The following P2RY12 variants were observed in gnomAD, a reference collection of about 807,000 sequenced individuals.
The protein encoded by P2RY12 is purinergic receptor P2Y12.
In P2RY12, 3 loss-of-function variants were observed where a neutral mutation model predicts 4.5. The ratio of observed to expected loss-of-function variants is 0.67; its 90% CI spans 0.31 to 1.74. The LOEUF is 1.74. Among genes scored for constraint, P2RY12 ranks in the 40% most tolerant of loss-of-function variants. The probability of loss-of-function intolerance (pLI) is 0.09; values close to 1 mark genes in which losing one functional copy is unlikely to be tolerated. For synonymous variants in P2RY12, 148 were observed against 154.1 expected, an observed-to-expected ratio of 0.96 and a Z score of 0.29; for missense variants, 356 against 407.8, an observed-to-expected ratio of 0.87 and a Z score of 1.09.
In P2RY12 at chr3:151,337,517, A is replaced by T. The variant is rs1461250357; in HGVS notation, c.*300T>A. ...TAAAAATTACAGTAAATATTATATG[A>T]TTACTCATTTTGGCAAAACTCTGCA... is the stretch of plus-strand genomic sequence containing the variant. On this transcript the variant is annotated 3_prime_UTR_variant, in exon 3 of 3. Transcript: ENST00000302632. 3 of 314,074 alleles carry T rather than the reference A, an allele frequency of 9.6e-6. No homozygotes were observed. In the Admixed American group the frequency reaches 1.4e-4, roughly 15 times the overall value. The allele number at this position is 314,074 out of a possible 1,614,324, so 19.5% of individuals were successfully genotyped here.
rs1483272596 is a variant in P2RY12 at position 151,337,901 on chromosome 3, G to C, written c.945C>G (p.Cys315Trp). 1 of 1,613,968 alleles carries C rather than the reference G, an allele frequency of 6.2e-7. No individual in the cohort carries two copies. The highest frequency in any genetic ancestry group is 1.3e-5 in the African/African-American group (1 of 74,908). The change falls in exon 3 of 3, where the codon TGC becomes TGG. Residue 315 changes from cysteine (C) to tryptophan (W), a missense_variant. Cys to Trp is a radical substitution (Grantham distance 215, BLOSUM62 -2). Coordinates refer to ENST00000302632, the MANE Select transcript of P2RY12 (RefSeq NM_022788.5). The part of the protein sequence containing the change: ...FRNSLISMLK[C>W]PNSATSLSQD... ...GGGACAGAGATGTTGCAGAATTGGG[G>C]CACTTCAGCATACTTATCAAGGAAT...
At chr3:151,341,174 G>A (rs1408301255) in intron 1 of P2RY12, among the ~76,000 whole-genome samples, 1 of 152,106 alleles carries the variant, frequency 6.6e-6, no homozygotes, top group East Asian at 1.9e-4. Context: ...AACTCAAAAT[G>A]CGTGCTGGCT....
At chr3:151,375,677 T>C (rs745707971) in intron 1 of P2RY12, among the ~76,000 whole-genome samples, 34 of 152,170 alleles carry the variant, frequency 2.2e-4, no homozygotes, top group Non-Finnish European at 3.7e-4. Flanking sequence ...ATGAAGAACG[T>C]ATATCTGATA....
At chr3:151,368,689 T>TTTCATTTC (rs1553798117) in intron 1 of P2RY12, among the ~76,000 whole-genome samples, 2 of 42,010 alleles carry the variant, frequency 4.8e-5, no homozygotes, top group Non-Finnish European at 8.7e-5. Context: ...CATTTCATTT[T>TTTCATTTC]ATTTCATTTC....
chr3:151,378,420 T>C (rs1376420599), intron 1 of P2RY12, among the ~76,000 whole-genome samples: 1 of 152,188 alleles, frequency 6.6e-6, no homozygotes, highest in African/African-American at 2.4e-5. Context: ...AAACAGTGAT[T>C]TCCGAGACCC....
At chr3:151,383,081 C>T (rs576278453) in intron 1 of P2RY12, among the ~76,000 whole-genome samples, 1 of 152,322 alleles carries the variant, frequency 6.6e-6, no homozygotes, top group Admixed American at 6.5e-5. Flanking sequence ...TTACTTAAAA[C>T]CATTTAAAAA....
intron 1 of P2RY12, among the ~76,000 whole-genome samples, chr3:151,372,981 A>C (rs1577481348): frequency 6.6e-6 from 1 of 152,186 alleles, no homozygotes; most frequent in Non-Finnish European, 1.5e-5. Flanking sequence ...ACATTTTGCT[A>C]CATGTGCTTT....
chr3:151,384,241 T>C, intron 1 of P2RY12: 3 of 1,581,854 alleles, frequency 1.9e-6, no homozygotes, highest in Middle Eastern at 1.7e-4. Flanking sequence ...TCAGCCTGTA[T>C]TATGAGCTCA....
chr3:151,362,627 G>A (rs1463890437), intron 1 of P2RY12, among the ~76,000 whole-genome samples: 2 of 151,998 alleles, frequency 1.3e-5, no homozygotes, highest in Non-Finnish European at 2.9e-5. Flanking sequence ...TCCTTAGAAT[G>A]TATGCTTCAT....
At chr3:151,371,047 C>T (rs1240099254) in intron 1 of P2RY12, among the ~76,000 whole-genome samples, 7 of 152,222 alleles carry the variant, frequency 4.6e-5, no homozygotes, top group Admixed American at 2.0e-4. Context: ...TGCAGAAGGC[C>T]TGGCACAGAC....
chr3:151,350,869 G>A (rs1165555416), intron 1 of P2RY12, among the ~76,000 whole-genome samples: 1 of 152,014 alleles, frequency 6.6e-6, no homozygotes, highest in Non-Finnish European at 1.5e-5. Context: ...TTGCATAATT[G>A]GAATTTTGTA....
intron 1 of P2RY12, chr3:151,384,026 T>C (rs769637926): frequency 1.2e-5 from 18 of 1,553,348 alleles, no homozygotes; most frequent in Non-Finnish European, 1.4e-5. Context: ...AAATACTCAG[T>C]TAAATAAGTG....
Position 151,338,140 on chromosome 3 carries a change from C to T in P2RY12, c.706G>A (p.Val236Ile), listed in dbSNP as rs1416405115. The change falls in exon 3 of 3, where the codon GTC becomes ATC. Residue 236 changes from valine (V) to isoleucine (I), a missense_variant. Coordinates refer to ENST00000302632, the MANE Select transcript of P2RY12 (RefSeq NM_022788.5). ...VGKVPRKKVN[V>I]KVFIIIAVFF... Reference sequence around the variant, plus strand: ...ACAGCAATGATAATGAAAACTTTGACGTTCACCTTTTTCCTGGGGACTTTA... The same window carrying T: ...ACAGCAATGATAATGAAAACTTTGATGTTCACCTTTTTCCTGGGGACTTTA... The T allele has an allele frequency of 8.7e-6, 14 of 1,613,896 alleles. No homozygotes were observed. Among genetic ancestry groups the T allele is most frequent in the African/African-American group, 2.7e-5 (2 of 74,908 alleles).
At chr3:151,382,475 C>T (rs776551162) in intron 1 of P2RY12, among the ~76,000 whole-genome samples, 13 of 151,886 alleles carry the variant, frequency 8.6e-5, no homozygotes, top group Admixed American at 2.6e-4. Flanking sequence ...ACGGCAAATG[C>T]ACAAATAAAT....
At chr3:151,351,870 A>G (rs960115982) in intron 1 of P2RY12, among the ~76,000 whole-genome samples, 4 of 152,172 alleles carry the variant, frequency 2.6e-5, no homozygotes, top group Admixed American at 2.6e-4. Context: ...ATGCCACACT[A>G]TAGTTTGTCC....
chr3:151,369,345 G>C, intron 1 of P2RY12: 2 of 825,788 alleles, frequency 2.4e-6, no homozygotes, highest in Non-Finnish European at 3.8e-6. Context: ...AGCACCCACA[G>C]TCTAACAATG....
intron 1 of P2RY12, chr3:151,376,080 G>T: frequency 6.2e-7 from 1 of 1,610,786 alleles, no homozygotes; most frequent in Non-Finnish European, 8.5e-7. Flanking sequence ...TACAGACAAA[G>T]AACTTATATT....
intron 1 of P2RY12, among the ~76,000 whole-genome samples, chr3:151,383,109 T>C (rs1034786329): frequency 6.6e-6 from 1 of 152,246 alleles, no homozygotes; most frequent in Admixed American, 6.5e-5. Context: ...AACTCAAAGT[T>C]TTGTCCAACT....
intron 1 of P2RY12, chr3:151,380,168 G>C: frequency 6.2e-7 from 1 of 1,610,100 alleles, no homozygotes; most frequent in Non-Finnish European, 8.5e-7. Flanking sequence ...CTGCCTTAAG[G>C]GACAAGATGA....
Sources: allele counts gnomAD v4.1 joint callset (sites outside exome capture counted in the v4.1 genomes callset), GRCh38; gene constraint gnomAD v4.1.1; transcripts MANE v1.5; gene names NCBI Gene and HGNC (gene_info 2026-07-23, HGNC 2026-07-21).